The following RPS6KA6 variants were observed in gnomAD, a reference collection of about 807,000 sequenced individuals.
The protein encoded by RPS6KA6 is ribosomal protein S6 kinase alpha-6.
A neutral mutation model predicts 65.4 loss-of-function variants in RPS6KA6; 27 were observed. The ratio of observed to expected loss-of-function variants is 0.41; its 90% CI spans 0.30 to 0.57. The LOEUF is 0.57. Among genes scored for constraint, RPS6KA6 ranks in the 20% least tolerant of loss-of-function variants. RPS6KA6 has a pLI of 0.24. For missense variants in RPS6KA6, 486 were observed against 555.6 expected (o/e 0.87, Z 1.26); for synonymous variants, 190 against 184.2 (o/e 1.03, Z -0.26).
chrX:84,174,010 A>G (rs142296653), intron 1 of RPS6KA6, among the ~76,000 whole-genome samples: 2,297 of 112,220 alleles, frequency 0.02, 61 homozygotes, highest in African/African-American at 0.072. Context: ...ATCTTTGTAT[A>G]TTTTTACTAT....
intron 1 of RPS6KA6, among the ~76,000 whole-genome samples, chrX:84,186,470 G>T (rs1437980064): frequency 1.8e-5 from 2 of 111,749 alleles, no homozygotes; most frequent in Non-Finnish European, 3.8e-5. Flanking sequence ...GTTCTTACGA[G>T]ATGTAAAATA....
chrX:84,187,939 C>T lies in RPS6KA6; in HGVS notation c.-40G>A. 2.7e-6 allele frequency: 3 copies of T among 1,120,736 alleles called. No individual in the cohort carries two copies. The East Asian group carries it at 1.0e-4, about 39-fold the overall frequency. The allele number at this position is 1,120,736 out of a possible 1,213,427, so 92.4% of individuals were successfully genotyped here. A position where few individuals can be genotyped will look rare whatever the true frequency, so the allele number is the denominator to read the frequency against. On this transcript the variant is annotated 5_prime_UTR_variant, in exon 1 of 22. Transcript: ENST00000262752. ...CACTCAAACAGGAGCTGCCGCCTAC[C>T]GCTGGCGCGGCCGCGCATCCTGTCT... is the stretch of plus-strand genomic sequence containing the variant.
At chrX:84,180,425 A>G (rs147246152) in intron 1 of RPS6KA6, among the ~76,000 whole-genome samples, 1,164 of 111,133 alleles carry the variant, frequency 0.01, 12 homozygotes, top group Admixed American at 0.048. Flanking sequence ...TTTTTTCTCA[A>G]AATTCAGTTG....
chrX:84,181,723 T>C (rs1160163756), intron 1 of RPS6KA6, among the ~76,000 whole-genome samples: 2 of 110,298 alleles, frequency 1.8e-5, no homozygotes, highest in Non-Finnish European at 3.8e-5. Context: ...GATAATTTTT[T>C]TACACTCCCA....
chrX:84,163,087 A>C (rs1386583745), intron 2 of RPS6KA6, among the ~76,000 whole-genome samples: 1 of 111,813 alleles, frequency 8.9e-6, no homozygotes, highest in Non-Finnish European at 1.9e-5. Context: ...TCCAATTATG[A>C]ACAAGTTTTG....
chrX:84,134,608 A>G (rs1180490048), intron 8 of RPS6KA6, among the ~76,000 whole-genome samples, 174 bp downstream of exon 8: 1 of 111,517 alleles, frequency 9.0e-6, no homozygotes, highest in Non-Finnish European at 1.9e-5. Context: ...TAATATTACA[A>G]TTAGAACATA....
intron 20 of RPS6KA6, among the ~76,000 whole-genome samples, chrX:84,084,941 G>A (rs186425469): frequency 1.1e-3 from 119 of 111,001 alleles, no homozygotes; most frequent in African/African-American, 3.4e-3. Context: ...AGCTGTATTC[G>A]TAGGTGTTTT....
intron 5 of RPS6KA6, 81 bp from the exon 6 acceptor site, chrX:84,145,638 T>C (rs2035186122): frequency 1.9e-6 from 1 of 514,994 alleles, no homozygotes; most frequent in South Asian, 4.3e-5. Context: ...AATATATGTT[T>C]AGAATTTTAC....
At chrX:84,154,935 G>A (rs888479816) in intron 3 of RPS6KA6, among the ~76,000 whole-genome samples, 2 of 111,976 alleles carry the variant, frequency 1.8e-5, no homozygotes, top group Non-Finnish European at 3.8e-5. Flanking sequence ...AACACACTGA[G>A]CGTTCAATAA....
chrX:84,094,836 T>C (rs2034122203), intron 20 of RPS6KA6, among the ~76,000 whole-genome samples: 1 of 111,440 alleles, frequency 9.0e-6, no homozygotes, highest in Non-Finnish European at 1.9e-5. Flanking sequence ...GAGATTCATA[T>C]GCATGGCTTT....
At chrX:84,153,206 A>ATG (rs2035358862) in intron 3 of RPS6KA6, among the ~76,000 whole-genome samples, 1 of 111,904 alleles carries the variant, frequency 8.9e-6, no homozygotes, top group Non-Finnish European at 1.9e-5. Flanking sequence ...ATATTTTCAA[A>ATG]AATTCATTTT....
chrX:84,173,329 TCTA>T (rs1441726722), intron 1 of RPS6KA6, among the ~76,000 whole-genome samples: 1 of 110,766 alleles, frequency 9.0e-6, no homozygotes, highest in African/African-American at 3.3e-5. Context: ...ACTCTAAAGC[TCTA>T]CTTTTACTGC....
intron 12 of RPS6KA6, among the ~76,000 whole-genome samples, chrX:84,111,622 A>C (rs1040850685): frequency 8.9e-6 from 1 of 111,768 alleles, no homozygotes; most frequent in African/African-American, 3.3e-5. Context: ...AAAGTCATTA[A>C]CCGAAAAGAA....
rs1246317321 is a variant in RPS6KA6, at chrX:84,188,137, A to T, written c.-238T>A. ...GAAGACAACTCTGTGCTGCCTCTCC[A>T]AGAGCTGCCGCTCGGCTCGCGCTCA... On this transcript the variant is annotated 5_prime_UTR_variant, in exon 1 of 22. Transcript: ENST00000262752. Among the ~76,000 whole-genome samples, 3 of 110,648 alleles carry T rather than the reference A, an allele frequency of 2.7e-5. No homozygotes were observed. Among genetic ancestry groups the T allele is most frequent in the Admixed American group, 1.9e-4 (2 of 10,562 alleles).
intron 17 of RPS6KA6, among the ~76,000 whole-genome samples, chrX:84,102,613 T>C (rs1247658730): frequency 9.0e-6 from 1 of 110,666 alleles, no homozygotes; most frequent in Admixed American, 9.7e-5. Context: ...CTCCTTGAAG[T>C]AAACAACCAT....
intron 3 of RPS6KA6, among the ~76,000 whole-genome samples, chrX:84,151,843 C>T (rs188097620): frequency 8.9e-6 from 1 of 111,929 alleles, no homozygotes; most frequent in Non-Finnish European, 1.9e-5. Flanking sequence ...GAAGTCACTG[C>T]CTTGATTGGC....
intron 8 of RPS6KA6, among the ~76,000 whole-genome samples, chrX:84,125,533 G>A (rs998644492): frequency 1.8e-5 from 2 of 111,225 alleles, no homozygotes; most frequent in East Asian, 2.8e-4. Flanking sequence ...TTCTCAAACC[G>A]AAAAACATAC....
chrX:84,150,294 T>C (rs1231027430), intron 3 of RPS6KA6, among the ~76,000 whole-genome samples: 1 of 111,697 alleles, frequency 9.0e-6, no homozygotes, highest in Non-Finnish European at 1.9e-5. Context: ...TTTCTTCTTA[T>C]TTATATGTTC....
intron 2 of RPS6KA6, among the ~76,000 whole-genome samples, chrX:84,158,669 A>T (rs1323499583): frequency 9.0e-6 from 1 of 111,462 alleles, no homozygotes; most frequent in Non-Finnish European, 1.9e-5. Context: ...TAAAGGACAC[A>T]ATAACCCCTG....
Sources: gnomAD v4.1 joint callset for allele counts (sites outside exome capture counted in the v4.1 genomes callset) on GRCh38, gnomAD v4.1.1 for gene constraint, MANE v1.5 for transcripts, NCBI Gene and HGNC (gene_info 2026-07-23, HGNC 2026-07-21) for gene names.